SLC26A7: variants seen among roughly 807,000 people sequenced by gnomAD.
SLC26A7 encodes solute carrier family 26 member 7.
Under a neutral mutation model 82.5 loss-of-function variants are expected in SLC26A7, and 59 were observed. The ratio of observed to expected loss-of-function variants is 0.72; its 90% CI spans 0.58 to 0.89. The LOEUF is 0.89. Among genes scored for constraint, SLC26A7 ranks in the 40% least tolerant of loss-of-function variants. The pLI is 0.00. For missense variants in SLC26A7, 820 were observed against 793.0 expected (o/e 1.03, Z -0.41); for synonymous variants, 271 against 274.3 (o/e 0.99, Z 0.12).
intron 15 of SLC26A7, among the ~76,000 whole-genome samples, chr8:91,376,060 C>T (rs768145795): frequency 2.4e-4 from 37 of 151,972 alleles, no homozygotes; most frequent in Non-Finnish European, 4.4e-4. Flanking sequence ...ATTCCTTTAG[C>T]GAGTTGTTTA....
chr8:91,352,003 C>T (rs1813729786), intron 10 of SLC26A7, 116 bp downstream of exon 10: 1 of 864,026 alleles, frequency 1.2e-6, no homozygotes, highest in South Asian at 1.6e-5. Flanking sequence ...AACCATGTTA[C>T]AGAAGTAAAG....
chr8:91,379,873 G>A (rs1370606796), intron 15 of SLC26A7, among the ~76,000 whole-genome samples: 1 of 151,912 alleles, frequency 6.6e-6, no homozygotes, highest in Non-Finnish European at 1.5e-5. Context: ...AAGTCAGAGT[G>A]GAAGAAGATA....
At chr8:91,369,742 A>G (rs1403108387) in intron 14 of SLC26A7, 43 bp from the exon 15 acceptor site, 6 of 1,423,918 alleles carry the variant, frequency 4.2e-6, no homozygotes, top group African/African-American at 3.0e-5. Flanking sequence ...ACAGAAGTAA[A>G]ATTTTATAAC....
intron 6 of SLC26A7, among the ~76,000 whole-genome samples, chr8:91,335,812 A>G (rs939538944): frequency 2.6e-5 from 4 of 152,174 alleles, no homozygotes; most frequent in Non-Finnish European, 5.9e-5. Flanking sequence ...TCCCTTAGTG[A>G]TGACTTTAAA....
intron 18 of SLC26A7, 120 bp from the exon 19 acceptor site, chr8:91,394,942 A>G (rs1808528788): frequency 1.7e-6 from 2 of 1,182,914 alleles, no homozygotes; most frequent in African/African-American, 3.0e-5. Context: ...GCCTCATAAA[A>G]GGTTCATTTT....
chr8:91,349,131 G>A (rs1813646196), intron 9 of SLC26A7, among the ~76,000 whole-genome samples: 4 of 152,180 alleles, frequency 2.6e-5, no homozygotes, highest in Non-Finnish European at 5.9e-5. Context: ...TGACTGGGGA[G>A]TATATACACT....
intron 11 of SLC26A7, among the ~76,000 whole-genome samples, chr8:91,356,942 T>A (rs1219562661): frequency 6.6e-6 from 1 of 152,210 alleles, no homozygotes; most frequent in African/African-American, 2.4e-5. Flanking sequence ...CCGCAGTTCT[T>A]ATTTAGATCA....
upstream of SLC26A7, among the ~76,000 whole-genome samples, chr8:91,247,252 T>C (rs1241987115): frequency 6.6e-6 from 1 of 152,220 alleles, no homozygotes; most frequent in East Asian, 1.9e-4. Context: ...ATAGGTATTA[T>C]CCCAGATGTT....
At chr8:91,362,325 C>T (rs956669682) in intron 11 of SLC26A7, 28 bp from the exon 12 acceptor site, 1 of 1,559,998 alleles carries the variant, frequency 6.4e-7, no homozygotes, top group Non-Finnish European at 8.8e-7. Context: ...AAAGGATTCA[C>T]AACTTCTGTT....
chr8:91,371,122 T>G (rs1814347804), intron 15 of SLC26A7, among the ~76,000 whole-genome samples: 1 of 151,940 alleles, frequency 6.6e-6, no homozygotes, highest in African/African-American at 2.4e-5. Flanking sequence ...ACATGATTTT[T>G]AAAAGAATGA....
chr8:91,226,330 G>GA (rs1235011974), intron 2 of SLC26A7, among the ~76,000 whole-genome samples: 1 of 152,094 alleles, frequency 6.6e-6, no homozygotes, highest in Non-Finnish European at 1.5e-5. Context: ...ATTTTCTGAA[G>GA]AAAAACTAAT....
intron 18 of SLC26A7, chr8:91,394,631 CAG>C (rs1444244703): frequency 4.4e-6 from 5 of 1,140,132 alleles, no homozygotes; most frequent in South Asian, 2.9e-5. Flanking sequence ...TGGTGCCTCG[CAG>C]AGTCATCCCT....
chr8:91,284,836 A>C (rs1483211353), intron 2 of SLC26A7, among the ~76,000 whole-genome samples: 1 of 152,218 alleles, frequency 6.6e-6, no homozygotes, highest in Non-Finnish European at 1.5e-5. Context: ...TAGAAGTACA[A>C]AGGTTGTAAT....
At chr8:91,210,718 A>G (rs1809897865) in intron 1 of SLC26A7, among the ~76,000 whole-genome samples, 1 of 152,168 alleles carries the variant, frequency 6.6e-6, no homozygotes, top group African/African-American at 2.4e-5. Context: ...TGAATTAAAT[A>G]TGTCAGGGCA....
chr8:91,225,864 A>G (rs2130668784), intron 2 of SLC26A7, among the ~76,000 whole-genome samples: 1 of 151,908 alleles, frequency 6.6e-6, no homozygotes, highest in East Asian at 1.9e-4. Context: ...ATGTCATGGC[A>G]ACTGGCATTT....
chr8:91,272,855 G>A (rs939224470), intron 2 of SLC26A7, among the ~76,000 whole-genome samples: 4 of 152,194 alleles, frequency 2.6e-5, no homozygotes, highest in African/African-American at 4.8e-5. Context: ...TTACATGCTT[G>A]GAAGAGGCAA....
intron 4 of SLC26A7, among the ~76,000 whole-genome samples, chr8:91,296,455 C>A (rs555652142): frequency 6.8e-4 from 103 of 152,090 alleles, no homozygotes; most frequent in Middle Eastern, 6.8e-3. Flanking sequence ...GGTTGGGAGG[C>A]TCTATTTTAC....
chr8:91,248,026 G>A (rs922477374), upstream of SLC26A7, among the ~76,000 whole-genome samples: 1 of 152,098 alleles, frequency 6.6e-6, no homozygotes, highest in African/African-American at 2.4e-5. Flanking sequence ...CCAATGTAAT[G>A]TTTCAAGCAT....
At chr8:91,373,212 T>A (rs1008098951) in intron 15 of SLC26A7, among the ~76,000 whole-genome samples, 4 of 152,002 alleles carry the variant, frequency 2.6e-5, no homozygotes, top group African/African-American at 9.6e-5. Flanking sequence ...GGATATTTTT[T>A]ATTTCTTTCT....
Sources: allele counts gnomAD v4.1 joint callset (sites outside exome capture counted in the v4.1 genomes callset), GRCh38; gene constraint gnomAD v4.1.1; transcripts MANE v1.5; gene names NCBI Gene and HGNC (gene_info 2026-07-23, HGNC 2026-07-21).